The following ABTB3 variants were observed in gnomAD, a reference collection of about 807,000 sequenced individuals.
The protein encoded by ABTB3 is ankyrin repeat and BTB domain containing 3, also known as ankyrin repeat- and BTB/POZ domain-containing protein 3.
the ABTB3 span, among the ~76,000 whole-genome samples, chr12:107,597,265 G>A: frequency 6.6e-6 from 1 of 152,226 alleles, no homozygotes; most frequent in African/African-American, 2.4e-5. Flanking sequence ...GCTATTAAGA[G>A]AGTAGCCATA....
At chr12:107,557,643 A>C in the ABTB3 span, among the ~76,000 whole-genome samples, 1 of 152,236 alleles carries the variant, frequency 6.6e-6, no homozygotes, top group African/African-American at 2.4e-5. Context: ...TAATAGTGAG[A>C]GATAATATTC....
the ABTB3 span, among the ~76,000 whole-genome samples, chr12:107,567,561 T>A: frequency 2.6e-5 from 4 of 152,198 alleles, no homozygotes; most frequent in African/African-American, 9.7e-5. Context: ...CTATCCCTTA[T>A]AGGCTAGGTG....
the ABTB3 span, among the ~76,000 whole-genome samples, chr12:107,476,432 C>T: frequency 1.3e-5 from 2 of 152,120 alleles, no homozygotes; most frequent in East Asian, 1.9e-4. Context: ...TTAGTTCCAT[C>T]TCCTTGTTTG....
the ABTB3 span, among the ~76,000 whole-genome samples, chr12:107,437,393 T>C: frequency 0.045 from 4,097 of 92,014 alleles, 103 homozygotes; most frequent in Admixed American, 0.059. Context: ...CTTTTCTTTT[T>C]CTTTTTTCTT....
chr12:107,656,836 G>A, the ABTB3 span, among the ~76,000 whole-genome samples: 1 of 152,266 alleles, frequency 6.6e-6, no homozygotes, highest in South Asian at 2.1e-4. Flanking sequence ...TTTGTACTCT[G>A]TGATTCTAAG....
chr12:107,510,584 G>C, the ABTB3 span, among the ~76,000 whole-genome samples: 1 of 152,096 alleles, frequency 6.6e-6, no homozygotes, highest in Admixed American at 6.6e-5. Flanking sequence ...ATGGGAGAGC[G>C]ATGCAGGGTG....
the ABTB3 span, among the ~76,000 whole-genome samples, chr12:107,472,342 G>A: frequency 1.3e-5 from 2 of 152,162 alleles, no homozygotes; most frequent in Non-Finnish European, 2.9e-5. Context: ...CGGAACCGGG[G>A]AAGGGATAGA....
the ABTB3 span, among the ~76,000 whole-genome samples, chr12:107,598,869 T>A: frequency 3.3e-5 from 5 of 152,176 alleles, no homozygotes; most frequent in African/African-American, 1.2e-4. Flanking sequence ...ATAACCACAT[T>A]TATCTGGGCC....
chr12:107,493,754 G>A, the ABTB3 span, among the ~76,000 whole-genome samples: 4 of 152,194 alleles, frequency 2.6e-5, no homozygotes, highest in Non-Finnish European at 4.4e-5. Context: ...TTTGGACACT[G>A]ACACACACTT....
chr12:107,563,595 T>C, the ABTB3 span, among the ~76,000 whole-genome samples: 1 of 152,052 alleles, frequency 6.6e-6, no homozygotes, highest in African/African-American at 2.4e-5. Flanking sequence ...AAAGGTATGA[T>C]ATATGGTATT....
At chr12:107,623,366 T>A in the ABTB3 span, among the ~76,000 whole-genome samples, 1 of 135,694 alleles carries the variant, frequency 7.4e-6, no homozygotes, top group Non-Finnish European at 1.6e-5. Context: ...GCCTTTTTTT[T>A]TTTTTTTTTT....
chr12:107,464,806 T>C, the ABTB3 span, among the ~76,000 whole-genome samples: 1 of 152,184 alleles, frequency 6.6e-6, no homozygotes, highest in South Asian at 2.1e-4. Context: ...CCCTCTCCCT[T>C]GCACCCAGGG....
At chr12:107,340,773 A>C in the ABTB3 span, among the ~76,000 whole-genome samples, 1 of 152,226 alleles carries the variant, frequency 6.6e-6, no homozygotes, top group African/African-American at 2.4e-5. Flanking sequence ...TTCACCAGAG[A>C]TCTCCCAGGA....
chr12:107,375,577 C>G, the ABTB3 span, among the ~76,000 whole-genome samples: 1 of 152,204 alleles, frequency 6.6e-6, no homozygotes, highest in Admixed American at 6.5e-5. Flanking sequence ...GGCCCGGTGC[C>G]GTTCTACCTC....
the ABTB3 span, among the ~76,000 whole-genome samples, chr12:107,576,590 C>T: frequency 6.6e-6 from 1 of 152,168 alleles, no homozygotes; most frequent in Non-Finnish European, 1.5e-5. Flanking sequence ...TCTCCAAATA[C>T]AGGCATATGC....
chr12:107,505,130 G>A, the ABTB3 span, among the ~76,000 whole-genome samples: 207 of 152,244 alleles, frequency 1.4e-3, no homozygotes, highest in Non-Finnish European at 2.2e-3. Flanking sequence ...TTAAATGGAT[G>A]TATACCTCCA....
chr12:107,482,809 T>TTTTC, the ABTB3 span, among the ~76,000 whole-genome samples: 8 of 151,502 alleles, frequency 5.3e-5, no homozygotes, highest in Non-Finnish European at 1.2e-4. Flanking sequence ...CTCTCTTTTT[T>TTTTC]TTTCTTTCTT....
At chr12:107,487,069 G>A in the ABTB3 span, among the ~76,000 whole-genome samples, 1 of 152,148 alleles carries the variant, frequency 6.6e-6, no homozygotes, top group African/African-American at 2.4e-5. Context: ...TGTTCTAAGA[G>A]AATCCATGTC....
chr12:107,618,885 C>G, the ABTB3 span, among the ~76,000 whole-genome samples: 1,767 of 152,330 alleles, frequency 0.012, 32 homozygotes, highest in African/African-American at 0.04. Flanking sequence ...TTTCTTACCA[C>G]AACTCCTGTT....
Sources: allele counts gnomAD v4.1 joint callset (sites outside exome capture counted in the v4.1 genomes callset), GRCh38; gene constraint gnomAD v4.1.1; transcripts MANE v1.5; gene names NCBI Gene and HGNC (gene_info 2026-07-23, HGNC 2026-07-21).